Variants in LAMB2 observed in about 807,000 individuals in gnomAD.
LAMB2 encodes the protein laminin subunit beta-2.
LAMB2 carries 119 observed loss-of-function variants against 202.7 expected under a neutral mutation model. That is an observed-to-expected ratio of 0.59 (90% confidence interval 0.51 to 0.68). The LOEUF (loss-of-function observed/expected upper bound fraction) is 0.68. LAMB2 is among the 30% of genes least tolerant of loss of function. The pLI is 0.00. For missense variants in LAMB2, 2,124 were observed against 2,410.6 expected, an observed-to-expected ratio of 0.88 and a Z score of 2.49; for synonymous variants, 818 against 902.2, an observed-to-expected ratio of 0.91 and a Z score of 1.67.
rs2301373 is a variant in LAMB2, at chr3:49,122,657, T to A, written c.4573+47A>T. The stretch of plus-strand genomic sequence containing the variant: ...CCAAGGGAGATACAGACACCGGGAG[T>A]TGCCAAAGGGGACAACCACATGGCC... On this transcript the variant is annotated intron_variant, in intron 27 of 31. Coordinates refer to ENST00000305544, the MANE Select transcript of LAMB2 (RefSeq NM_002292.4). 4.8e-5 allele frequency: 72 copies of A among 1,490,542 alleles called. No homozygotes were observed. The East Asian group carries it at 1.4e-3, about 28-fold the overall frequency. The allele number at this position is 1,490,542 out of a possible 1,614,324, so 92.3% of individuals were successfully genotyped here.
rs780690538 is a variant in LAMB2, at chr3:49,124,725, G to GC, written c.3084dup (p.Gln1029AlafsTer26). On this transcript the variant is annotated frameshift_variant, in exon 21 of 32. Transcript: ENST00000305544. LOFTEE classifies it high-confidence loss of function. ...CGGTGACAGCTCTGTCGGGCAGCCT[G>GC]CCCATGGAAGCCAGGCTTGCAGTGG... 1 of 1,614,208 alleles carries GC rather than the reference G, an allele frequency of 6.2e-7. No homozygotes were observed. The highest frequency in any genetic ancestry group is 8.5e-7 in the Non-Finnish European group (1 of 1,180,038).
Position 49,130,203 on chromosome 3 carries a change from C to T in LAMB2, c.1225+28G>A. 6.2e-7 allele frequency: 1 copy of T among 1,612,874 alleles called. No homozygotes were observed. Among genetic ancestry groups the T allele is most frequent in the South Asian group, 1.1e-5 (1 of 90,886 alleles). On this transcript the variant is annotated intron_variant, in intron 9 of 31. Transcript: ENST00000305544. This position sits in a 1 kb window ranked among gnomAD's most constrained non-coding sequence, Gnocchi z 5.0. The stretch of plus-strand genomic sequence containing the variant: ...TAGTTCCTGCCCCAGGCTCAGCTTT[C>T]TCTCCCCGTGCCCAATCCCAGCCTC...
intron 15 of LAMB2, among the ~76,000 whole-genome samples, chr3:49,127,177 G>T (rs1434394199): frequency 6.6e-6 from 1 of 151,922 alleles, no homozygotes; most frequent in African/African-American, 2.4e-5. Context: ...GTAGAGACAG[G>T]GTCTCGCCAT....
In LAMB2 at chr3:49,121,461, G is replaced by A. The variant is rs1575524729; in HGVS notation, c.5232C>T (p.Ala1744=). The stretch of plus-strand genomic sequence containing the variant: ...GTAGCCGCTGCAGCTTGTCCTGAGC[G>A]GCTTGCAACAGGTCCCGAGCCTCAT... ...LRDEARDLLQ[A]AQDKLQRLQE... The change falls in exon 31 of 32, where the codon GCC becomes GCT. Residue 1744 remains alanine (A), a synonymous_variant. Coordinates refer to ENST00000305544, the MANE Select transcript of LAMB2 (RefSeq NM_002292.4). 5 of 1,614,016 alleles carry A rather than the reference G, an allele frequency of 3.1e-6. No individual in the cohort carries two copies. The highest frequency in any genetic ancestry group is 1.6e-4 in the Middle Eastern group (1 of 6,062).
At position 49,130,560 on chromosome 3, in the gene LAMB2, G is replaced by T; in HGVS notation, c.1037-141C>A. Reference sequence around the variant, plus strand: ...GACTTCAAGGCCTCAGCATCATACTGGTTCCCTACCCAGAGCAGACTGCAG... The same window carrying T: ...GACTTCAAGGCCTCAGCATCATACTTGTTCCCTACCCAGAGCAGACTGCAG... On this transcript the variant is annotated intron_variant, in intron 8 of 31. Transcript: ENST00000305544. This position sits in a 1 kb window ranked among gnomAD's most constrained non-coding sequence, Gnocchi z 5.0. 7.5e-7 allele frequency: 1 copy of T among 1,335,666 alleles called. No homozygotes were observed. The highest frequency in any genetic ancestry group is 1.1e-6 in the Non-Finnish European group (1 of 937,398). 82.7% of individuals were successfully genotyped at this position (1,335,666 alleles called of 1,614,324 possible). A position where few individuals can be genotyped will look rare whatever the true frequency, so the allele number is the denominator to read the frequency against.
rs771544868 is a variant in LAMB2, at chr3:49,130,291, A to G, written c.1165T>C (p.Cys389Arg). 6.2e-7 allele frequency: 1 copy of G among 1,614,224 alleles called. No homozygotes were observed. The highest frequency in any genetic ancestry group is 8.5e-7 in the Non-Finnish European group (1 of 1,180,034). ...GGGTCACGGTAGAAGAAGGGCCGAC[A>G]GAGCTCACAGTGGCGCCCAGCTGTG... ...HNTAGRHCEL[C>R]RPFFYRDPTK... The change falls in exon 9 of 32, where the codon TGT becomes CGT. Residue 389 changes from cysteine to arginine, a missense_variant. By Grantham distance (180) the Cys-to-Arg change is radical (BLOSUM62 -3). Transcript: ENST00000305544. This position sits in a 1 kb window ranked among gnomAD's most constrained non-coding sequence, Gnocchi z 5.0.
intron 15 of LAMB2, among the ~76,000 whole-genome samples, chr3:49,127,587 T>C (rs1248703775): frequency 1.2e-4 from 18 of 146,186 alleles, no homozygotes; most frequent in East Asian, 2.1e-4. Flanking sequence ...CCCAGCTACT[T>C]GGGAGGCTGA....
chr3:49,128,450 G>T lies in LAMB2; in HGVS notation c.2018+8C>A, dbSNP rs1553778611. ...TGCCATTGTGAGTGCTACCACCAGT[G>T]CCCTCACCTGGCATGTGGTTGCAGA... On this transcript the variant is annotated splice_region_variant and intron_variant, in intron 15 of 31. Coordinates refer to ENST00000305544, the MANE Select transcript of LAMB2 (RefSeq NM_002292.4). 5 of 1,613,446 alleles carry T rather than the reference G, an allele frequency of 3.1e-6. No homozygotes were observed. The highest frequency in any genetic ancestry group is 3.4e-6 in the Non-Finnish European group (4 of 1,179,868).
At position 49,124,259 on chromosome 3, in the gene LAMB2, C is replaced by CCCTCACAG; in HGVS notation, c.3354_3355insCTGTGAGG (p.Gly1119LeufsTer2). 6.2e-7 allele frequency: 1 copy of CCCTCACAG among 1,613,898 alleles called. No individual in the cohort carries two copies. The highest frequency in any genetic ancestry group is 8.5e-7 in the Non-Finnish European group (1 of 1,179,932). ...TCAGAACAAGTCCGCCCTCCAAAGC[C>CCCTCACAG]GGCACGGCAGTGGCACTGCCCTGTG... On this transcript the variant is annotated stop_gained and frameshift_variant, in exon 23 of 32. Transcript: ENST00000305544. LOFTEE classifies it high-confidence loss of function.
Position 49,121,707 on chromosome 3 carries a change from C to T in LAMB2, c.5077G>A (p.Gly1693Ser), listed in dbSNP as rs1254759329. 1 of 1,614,050 alleles carries T rather than the reference C, an allele frequency of 6.2e-7. No individual in the cohort carries two copies. The highest frequency in any genetic ancestry group is 1.1e-5 in the South Asian group (1 of 91,092). The change falls in exon 30 of 32, where the codon GGT becomes AGT. Residue 1693 changes from glycine to serine, a missense_variant. Coordinates refer to ENST00000305544, the MANE Select transcript of LAMB2 (RefSeq NM_002292.4). ...ACCTGCTCAGCCTCCTGGGCACGAC[C>T]CTGGGCACTGCCTGCCGTTTCTTCT... ...TAEETAGSAQ[G>S]RAQEAEQLLR... is the part of the protein sequence containing the mutation.
rs765252703 is a variant in LAMB2, at chr3:49,129,887, G to A, written c.1357C>T (p.Arg453Cys). ...ATGCTGAGCCCAAAGAAGCCATCACGGCATTGCTGGCAGCGAGTGCCCACC... is the reference window on the plus strand; with the variant it reads ...ATGCTGAGCCCAAAGAAGCCATCACAGCATTGCTGGCAGCGAGTGCCCACC... ...HVVGTRCQQC[R>C]DGFFGLSISD... The change falls in exon 10 of 32, where the codon CGT becomes TGT. Residue 453 changes from arginine (R) to cysteine (C), a missense_variant. This residue lies in a region of LAMB2 where 1,702 missense variants were observed against 1,896.3 expected (regional missense o/e 0.90). Transcript: ENST00000305544. The surrounding 1 kb of genome is among the most constrained non-coding windows in gnomAD (Gnocchi z 6.1). 80 of 1,613,868 alleles carry A rather than the reference G, an allele frequency of 5.0e-5. No homozygotes were observed. The highest frequency in any genetic ancestry group is 4.2e-4 in the South Asian group (38 of 91,084).
At position 49,128,816 on chromosome 3, in the gene LAMB2, G is replaced by T; in HGVS notation, c.1735C>A (p.Leu579Ile). 6.2e-7 allele frequency: 1 copy of T among 1,612,278 alleles called. No individual in the cohort carries two copies. The change falls in exon 14 of 32, where the codon CTC (leucine) becomes ATC (isoleucine). Residue 579 changes from leucine (L) to isoleucine (I), a missense_variant. This residue lies in a region of LAMB2 where 1,702 missense variants were observed against 1,896.3 expected (regional missense o/e 0.90). Coordinates refer to ENST00000305544, the MANE Select transcript of LAMB2 (RefSeq NM_002292.4). ...WEAEDTRGQV[L>I]DVVERLVTPG... ...GTCACCAGGCGCTCCACCACATCGA[G>T]CACCTGGGAGATAATGCAGCCAGGG...
At position 49,131,780 on chromosome 3, in the gene LAMB2, C is replaced by A; in HGVS notation, c.460-57G>T. The A allele has an allele frequency of 6.3e-7, 1 of 1,576,322 alleles. No homozygotes were observed. The highest frequency in any genetic ancestry group is 8.7e-7 in the Non-Finnish European group (1 of 1,153,346). On this transcript the variant is annotated intron_variant, in intron 4 of 31. Transcript: ENST00000305544. This position sits in a 1 kb window ranked among gnomAD's most constrained non-coding sequence, Gnocchi z 5.0. Reference sequence around the variant, plus strand: ...ACCAGGACCCAAGCCCAACCCAGAGCCATCAAGAGCCCTGCTCAGCCCAAG... The same window carrying A: ...ACCAGGACCCAAGCCCAACCCAGAGACATCAAGAGCCCTGCTCAGCCCAAG...
Position 49,122,022 on chromosome 3 carries a change from C to T in LAMB2, c.4845G>A (p.Gln1615=), listed in dbSNP as rs972113910. The T allele has an allele frequency of 6.2e-7, 1 of 1,613,838 alleles. No individual in the cohort carries two copies. The highest frequency in any genetic ancestry group is 1.3e-5 in the African/African-American group (1 of 75,056). ...CACCCTGGGCAATACCCTGTGCCCG[C>T]TGGGCCTCCTCCAGTGCTGCCTGTA... ...ETVQAALEEA[Q]RAQGIAQGAI... The change falls in exon 29 of 32, where the codon CAG becomes CAA. Residue 1615 remains glutamine, a synonymous_variant. Coordinates refer to ENST00000305544, the MANE Select transcript of LAMB2 (RefSeq NM_002292.4).
chr3:49,129,767 T>G lies in LAMB2; in HGVS notation c.1406-51A>C, dbSNP rs1263717930. 8.1e-6 allele frequency: 13 copies of G among 1,609,650 alleles called. No individual in the cohort carries two copies. The highest frequency in any genetic ancestry group is 1.1e-5 in the Non-Finnish European group (13 of 1,176,130). Reference sequence around the variant, plus strand: ...CTTTGGGAAACTGTGGCAGTGCTCATGTTCAGCTGAGTCAGGAGTAAGAGG... The same window carrying G: ...CTTTGGGAAACTGTGGCAGTGCTCAGGTTCAGCTGAGTCAGGAGTAAGAGG... On this transcript the variant is annotated intron_variant, in intron 10 of 31. Transcript: ENST00000305544. This position sits in a 1 kb window ranked among gnomAD's most constrained non-coding sequence, Gnocchi z 6.1.
Position 49,122,796 on chromosome 3 carries a change from G to A in LAMB2, c.4481C>T (p.Ala1494Val). The A allele has an allele frequency of 6.2e-7, 1 of 1,613,836 alleles. No homozygotes were observed. Among genetic ancestry groups the A allele is most frequent in the Non-Finnish European group, 8.5e-7 (1 of 1,180,010 alleles). Residue 1494 changes from alanine to valine, a missense_variant, in exon 27 of 32, where the codon GCC (alanine) becomes GTC (valine). Around this residue, in one of 3 missense-constraint regions of LAMB2, gnomAD observed 1,702 missense variants for 1,896.3 expected, o/e 0.90. Transcript: ENST00000305544. The stretch of plus-strand genomic sequence containing the variant: ...CCTGGAAGCATTAGCCTTGTCCAGG[G>A]CTGCCTGGGCCCGCTGCTGTGCCTC... ...ASEAQQRAQA[A>V]LDKANASRGQ...
rs1441540723 is a variant in LAMB2, at chr3:49,126,478, G to A, written c.2038C>T (p.Pro680Ser). The A allele has an allele frequency of 1.9e-6, 3 of 1,614,044 alleles. No homozygotes were observed. Among genetic ancestry groups the A allele is most frequent in the South Asian group, 1.1e-5 (1 of 91,088 alleles). The change falls in exon 16 of 32, where the codon CCT becomes TCT. Residue 680 changes from proline to serine, a missense_variant. Pro to Ser is a moderately conservative substitution (Grantham distance 74, BLOSUM62 -1). Coordinates refer to ENST00000305544, the MANE Select transcript of LAMB2 (RefSeq NM_002292.4). ...GAGATACCAGGCTCAAGGCAGACAGGATTAGGAAATATCAAGTACCTGGGG... is the reference window on the plus strand; with the variant it reads ...GAGATACCAGGCTCAAGGCAGACAGAATTAGGAAATATCAAGTACCTGGGG... ...PHARYLIFPN[P>S]VCLEPGISYK...
In LAMB2 at chr3:49,124,246, C is replaced by T. The variant is rs368064595; in HGVS notation, c.3368G>A (p.Arg1123Gln). ...GAGCTCTTGGCACTCAGAACAAGTC[C>T]GCCCTCCAAAGCCGGCACGGCAGTG... The part of the protein sequence containing the change: ...QCHCRAGFGG[R>Q]TCSECQELHW... Residue 1123 changes from arginine (R) to glutamine (Q), a missense_variant, in exon 23 of 32, where the codon CGG becomes CAG. Around this residue, in one of 3 missense-constraint regions of LAMB2, gnomAD observed 1,702 missense variants for 1,896.3 expected, o/e 0.90. Coordinates refer to ENST00000305544, the MANE Select transcript of LAMB2 (RefSeq NM_002292.4). 11 of 1,613,942 alleles carry T rather than the reference C, an allele frequency of 6.8e-6. No homozygotes were observed. In the African/African-American group the frequency reaches 1.2e-4, roughly 18 times the overall value.
rs1428366711 is a variant in LAMB2 at position 49,132,350 on chromosome 3, T to A, written c.305A>T (p.Asn102Ile). 1 of 1,614,054 alleles carries A rather than the reference T, an allele frequency of 6.2e-7. No homozygotes were observed. The highest frequency in any genetic ancestry group is 1.7e-5 in the Admixed American group (1 of 60,000). Residue 102 changes from asparagine to isoleucine, a missense_variant, in exon 3 of 32, where the codon AAC becomes ATC. By Grantham distance (149) the Asn-to-Ile change is moderately radical. Transcript: ENST00000305544. This position sits in a 1 kb window ranked among gnomAD's most constrained non-coding sequence, Gnocchi z 4.6. ...ATTCTGGATGCGATGGCTGTGTGGG[T>A]TGTCTCTAGCAGAGAAGGGGCGCCG... ...DSRRPFSARD[N>I]PHSHRIQNVV...
Sources: gnomAD v4.1 joint callset for allele counts (sites outside exome capture counted in the v4.1 genomes callset) on GRCh38, gnomAD v4.1.1 for gene constraint, gnomAD v4.1.1 regional missense constraint, Gnocchi (gnomAD v3.1) non-coding constraint, MANE v1.5 for transcripts, NCBI Gene and HGNC (gene_info 2026-07-23, HGNC 2026-07-21) for gene names.